The following FARS2 variants were observed in gnomAD, a reference collection of about 807,000 sequenced individuals.
FARS2 encodes phenylalanine--tRNA ligase, mitochondrial.
In FARS2, 40 loss-of-function variants were observed where a neutral mutation model predicts 46.4. The observed-to-expected ratio is 0.86, with a 90% CI of 0.67 to 1.12. The LOEUF (loss-of-function observed/expected upper bound fraction) is 1.12. Among genes scored for constraint, FARS2 ranks in the 50% most tolerant of loss-of-function variants. The pLI, the probability that FARS2 is intolerant of heterozygous loss-of-function variation, is 0.00. For missense variants in FARS2, 513 were observed against 567.9 expected (o/e 0.90, Z 0.98); for synonymous variants, 234 against 214.9 (o/e 1.09, Z -0.78).
intron 6 of FARS2, among the ~76,000 whole-genome samples, chr6:5,731,082 C>T (rs1340014971): frequency 2.0e-5 from 3 of 152,140 alleles, no homozygotes; most frequent in African/African-American, 4.8e-5. Context: ...CCATACAGCC[C>T]GCCCCCGATG....
chr6:5,528,701 G>A (rs1248546696), intron 4 of FARS2, among the ~76,000 whole-genome samples: 1 of 152,134 alleles, frequency 6.6e-6, no homozygotes, highest in African/African-American at 2.4e-5. Context: ...TAAATCTAAG[G>A]GTGGTCAAGC....
intron 1 of FARS2, among the ~76,000 whole-genome samples, chr6:5,338,085 T>C (rs958840116): frequency 6.6e-6 from 1 of 151,234 alleles, no homozygotes; most frequent in Non-Finnish European, 1.5e-5. Flanking sequence ...CTTGGTTATA[T>C]TGAGAAAGAG....
chr6:5,593,948 T>C (rs1423291633), intron 5 of FARS2, among the ~76,000 whole-genome samples: 1 of 152,184 alleles, frequency 6.6e-6, no homozygotes, highest in Non-Finnish European at 1.5e-5. Context: ...TAAGGGTCTG[T>C]GGAAGGAGTG....
At chr6:5,754,781 T>C (rs1025011141) in intron 6 of FARS2, among the ~76,000 whole-genome samples, 5 of 152,256 alleles carry the variant, frequency 3.3e-5, no homozygotes, top group African/African-American at 1.2e-4. Context: ...TTCTTTGTTG[T>C]TGCTTTGTAA....
intron 4 of FARS2, among the ~76,000 whole-genome samples, chr6:5,492,653 T>C (rs1767192627): frequency 6.6e-6 from 1 of 152,256 alleles, no homozygotes; most frequent in Non-Finnish European, 1.5e-5. Flanking sequence ...CTTTATTTTG[T>C]ATTCAACAAG....
intron 6 of FARS2, among the ~76,000 whole-genome samples, chr6:5,742,311 C>G (rs573642309): frequency 6.6e-6 from 1 of 152,314 alleles, no homozygotes; most frequent in East Asian, 1.9e-4. Flanking sequence ...GAAACCTTCT[C>G]TCTGCGTTGC....
At chr6:5,316,177 A>G (rs1769504071) in intron 1 of FARS2, among the ~76,000 whole-genome samples, 1 of 152,242 alleles carries the variant, frequency 6.6e-6, no homozygotes, top group Non-Finnish European at 1.5e-5. Flanking sequence ...GGAAAGATTC[A>G]CTTAGGGTGA....
chr6:5,472,482 G>A (rs1036774228), intron 4 of FARS2, among the ~76,000 whole-genome samples: 1 of 152,192 alleles, frequency 6.6e-6, no homozygotes, highest in African/African-American at 2.4e-5. Context: ...TAATGCTGCA[G>A]AATGGATCAG....
chr6:5,341,219 A>G (rs1288460261), intron 1 of FARS2, among the ~76,000 whole-genome samples: 1 of 5,002 alleles, frequency 2.0e-4, no homozygotes, highest in African/African-American at 7.8e-4. Context: ...ATATATATAT[A>G]TATATATATA....
intron 2 of FARS2, among the ~76,000 whole-genome samples, chr6:5,403,088 A>G (rs1307085953): frequency 6.6e-6 from 1 of 152,188 alleles, no homozygotes; most frequent in African/African-American, 2.4e-5. Flanking sequence ...GTTGCTCTAA[A>G]TTATTTTTAG....
intron 6 of FARS2, among the ~76,000 whole-genome samples, chr6:5,676,893 T>G (rs1283110170): frequency 6.6e-6 from 1 of 152,238 alleles, no homozygotes; most frequent in Non-Finnish European, 1.5e-5. Context: ...ACTTAAATGT[T>G]GTCTCAATAT....
Position 5,405,480 on chromosome 6 carries a change from C to CTTTTTT in FARS2, c.772+799_772+804dup, listed in dbSNP as rs398000284. On this transcript the variant is annotated intron_variant, in intron 3 of 6. Transcript: ENST00000274680. ...AGGACGTGATCAGTGGAGCAAGGTTCTTTTTTTTTTTTTTTTTTTTTTTTT... is the reference window on the plus strand; with the variant it reads ...AGGACGTGATCAGTGGAGCAAGGTTCTTTTTTTTTTTTTTTTTTTTTTTTTTTTTTT... 1.4e-3 allele frequency among the ~76,000 whole-genome samples: 80 copies of CTTTTTT among 58,948 alleles called. 7 individuals carry two copies. The highest frequency in any genetic ancestry group is 3.8e-3 in the African/African-American group (58 of 15,396). The allele number at this position is 58,948 out of a possible 152,430, so 38.7% of individuals were successfully genotyped here.
intron 1 of FARS2, among the ~76,000 whole-genome samples, chr6:5,354,942 C>T (rs931999823): frequency 6.6e-6 from 1 of 152,120 alleles, no homozygotes. Context: ...AATCTAACAT[C>T]TTCTCTGGTG....
intron 4 of FARS2, among the ~76,000 whole-genome samples, chr6:5,538,110 A>T (rs886613458): frequency 1.6e-4 from 24 of 148,622 alleles, no homozygotes; most frequent in African/African-American, 5.5e-4. Flanking sequence ...TACTCTGGTG[A>T]CTCTAGTTTA....
chr6:5,522,864 T>G (rs1287797028), intron 4 of FARS2, among the ~76,000 whole-genome samples: 3 of 152,258 alleles, frequency 2.0e-5, no homozygotes, highest in Admixed American at 2.0e-4. Flanking sequence ...TGTGCTACTC[T>G]AATTTGAGCC....
At position 5,626,428 on chromosome 6, in the gene FARS2, A is replaced by C. The variant is rs527798862; in HGVS notation, c.1217+13108A>C. Among the ~76,000 whole-genome samples the C allele has an allele frequency of 2.0e-5, 3 of 152,152 alleles. No individual in the cohort carries two copies. In the South Asian group the frequency reaches 6.2e-4, roughly 32 times the overall value. On this transcript the variant is annotated intron_variant, in intron 6 of 6. Transcript: ENST00000274680. ...TCCACTGGACATGACAGTGACTCCC[A>C]TTGGGCCCCCAGGGGACACCACCGT...
intron 1 of FARS2, among the ~76,000 whole-genome samples, chr6:5,292,611 G>C (rs76115978): frequency 0.021 from 3,210 of 152,298 alleles, 115 homozygotes; most frequent in African/African-American, 0.071. Flanking sequence ...AGTAAATGCA[G>C]AAGGTGGTAT....
At chr6:5,449,861 G>A (rs1764386707) in intron 4 of FARS2, among the ~76,000 whole-genome samples, 1 of 152,176 alleles carries the variant, frequency 6.6e-6, no homozygotes, top group Non-Finnish European at 1.5e-5. Context: ...TCAGATTTGA[G>A]ATACTCAAGC....
rs190747780 is a variant in FARS2 at position 5,340,918 on chromosome 6, C to T, written c.-21-27632C>T. ...ATCCCAGCACTTTGGGAGGCCGAGG[C>T]GGGCGGATCACAAGGTCAGAAGTTT... On this transcript the variant is annotated intron_variant, in intron 1 of 6. Transcript: ENST00000274680. 4.6e-3 allele frequency among the ~76,000 whole-genome samples: 704 copies of T among 151,746 alleles called. 4 individuals carry two copies. The highest frequency in any genetic ancestry group is 5.6e-3 in the South Asian group (27 of 4,784).
Sources: gnomAD v4.1 joint callset for allele counts (sites outside exome capture counted in the v4.1 genomes callset) on GRCh38, gnomAD v4.1.1 for gene constraint, MANE v1.5 for transcripts, NCBI Gene and HGNC (gene_info 2026-07-23, HGNC 2026-07-21) for gene names.